Variants in MAST2 observed in about 807,000 individuals in gnomAD.
The protein encoded by MAST2 is microtubule-associated serine/threonine-protein kinase 2.
In MAST2, 70 loss-of-function variants were observed where a neutral mutation model predicts 147.4. The observed-to-expected ratio is 0.47, with a 90% CI of 0.39 to 0.58. The LOEUF (loss-of-function observed/expected upper bound fraction) is 0.58. Ranked by LOEUF, MAST2 falls within the 20% of genes least tolerant of loss-of-function variation. MAST2 has a pLI of 0.00. For missense variants in MAST2, 2,080 were observed against 2,302.3 expected (o/e 0.90, Z 1.98); for synonymous variants, 869 against 896.8 (o/e 0.97, Z 0.55).
At chr1:45,866,460 G>C (rs568998708) in intron 3 of MAST2, among the ~76,000 whole-genome samples, 8 of 152,184 alleles carry the variant, frequency 5.3e-5, no homozygotes, top group Admixed American at 2.0e-4. Context: ...AGCCCATTTA[G>C]TTGCACTGCT....
chr1:45,950,947 G>A (rs1384110944), intron 4 of MAST2, among the ~76,000 whole-genome samples: 1 of 152,152 alleles, frequency 6.6e-6, no homozygotes, highest in African/African-American at 2.4e-5. Flanking sequence ...GCTGAGTGTG[G>A]TGGCTCATGC....
chr1:45,805,494 C>CA (rs1644115404), intron 1 of MAST2, among the ~76,000 whole-genome samples: 1 of 152,210 alleles, frequency 6.6e-6, no homozygotes, highest in African/African-American at 2.4e-5. Flanking sequence ...TTTACTCCCC[C>CA]ATGTGCCTAA....
Position 46,035,962 on chromosome 1 carries a change from A to T in MAST2, c.5293A>T (p.Thr1765Ser), listed in dbSNP as rs1159218969. 6.2e-7 allele frequency: 1 copy of T among 1,613,910 alleles called. No homozygotes were observed. The highest frequency in any genetic ancestry group is 1.7e-5 in the Admixed American group (1 of 60,018). ...QDVPCRGCPL[T>S]QKSEPSLRRG... Reference sequence around the variant, plus strand: ...CGTTCCATGCCGAGGCTGCCCCCTCACCCAGAAGTCTGAGCCCAGCCTCAG... The same window carrying T: ...CGTTCCATGCCGAGGCTGCCCCCTCTCCCAGAAGTCTGAGCCCAGCCTCAG... The change falls in exon 29 of 29, where the codon ACC becomes TCC. Residue 1765 changes from threonine to serine, a missense_variant. Physicochemically the swap from Thr to Ser is moderately conservative, Grantham distance 58 (BLOSUM62 1). Coordinates refer to ENST00000361297, the MANE Select transcript of MAST2 (RefSeq NM_015112.3). This position sits in a 1 kb window ranked among gnomAD's most constrained non-coding sequence, Gnocchi z 5.5.
chr1:45,938,825 T>A (rs1188604898), intron 4 of MAST2, among the ~76,000 whole-genome samples: 1 of 152,218 alleles, frequency 6.6e-6, no homozygotes, highest in African/African-American at 2.4e-5. Context: ...GAGCATCTTA[T>A]CTCATTGTTA....
intron 4 of MAST2, among the ~76,000 whole-genome samples, chr1:45,919,453 T>C (rs960698451): frequency 3.3e-5 from 5 of 152,200 alleles, no homozygotes; most frequent in African/African-American, 1.2e-4. Flanking sequence ...AGCTTTTTGT[T>C]AGAGAATAGT....
chr1:45,933,235 A>G lies in MAST2; in HGVS notation c.501-26151A>G, dbSNP rs1174946856. Among the ~76,000 whole-genome samples the G allele has an allele frequency of 1.3e-3, 77 of 59,070 alleles. 1 individual carries two copies. Among genetic ancestry groups the G allele is most frequent in the Middle Eastern group, 0.016 (2 of 128 alleles). The allele number at this position is 59,070 out of a possible 152,430, so 38.8% of individuals were successfully genotyped here. On this transcript the variant is annotated intron_variant, in intron 4 of 28. Transcript: ENST00000361297. ...AAGACCCTGTCTCTTTAAAAAAAAA[A>G]AGCGGGGGGGTTGGGGGGGGCAAAT...
In MAST2 at chr1:45,931,996, G is replaced by A. The variant is rs976253036; in HGVS notation, c.501-27390G>A. 7.2e-5 allele frequency among the ~76,000 whole-genome samples: 11 copies of A among 152,174 alleles called. No individual in the cohort carries two copies. In the East Asian group the frequency reaches 2.1e-3, roughly 29 times the overall value. On this transcript the variant is annotated intron_variant, in intron 4 of 28. Coordinates refer to ENST00000361297, the MANE Select transcript of MAST2 (RefSeq NM_015112.3). Reference sequence around the variant, plus strand: ...GTGAGCTACTGCACCCAGCAATGTTGTGTTCTTCTCATTGTGTCCTGTTAG... The same window carrying A: ...GTGAGCTACTGCACCCAGCAATGTTATGTTCTTCTCATTGTGTCCTGTTAG...
intron 3 of MAST2, among the ~76,000 whole-genome samples, chr1:45,858,788 G>C (rs1471185667): frequency 1.3e-5 from 2 of 151,536 alleles, no homozygotes; most frequent in Non-Finnish European, 2.9e-5. Context: ...ATTAATTTTT[G>C]TATAAGGTGT....
chr1:45,839,765 T>G (rs183313127), intron 3 of MAST2, among the ~76,000 whole-genome samples: 2 of 152,356 alleles, frequency 1.3e-5, no homozygotes, highest in Admixed American at 6.5e-5. Context: ...ATCAAACTTA[T>G]TTTATGACTT....
intron 16 of MAST2, among the ~76,000 whole-genome samples, chr1:46,026,344 C>T (rs939918748): frequency 6.6e-6 from 1 of 152,116 alleles, no homozygotes; most frequent in Non-Finnish European, 1.5e-5. Context: ...TGTTCAGGAA[C>T]TACAAATAGT....
Position 46,035,348 on chromosome 1 carries a change from C to T in MAST2, c.4679C>T (p.Pro1560Leu), listed in dbSNP as rs371421462. 2 of 1,613,694 alleles carry T rather than the reference C, an allele frequency of 1.2e-6. No homozygotes were observed. ...RDPRSLGPMVPSLLTGITLGP... is the reference protein window; with the variant it reads ...RDPRSLGPMVLSLLTGITLGP... ...CCTAGGAGCCTGGGCCCAATGGTCC[C>T]AAGCCTATTGACAGGGATCACACTG... is the stretch of plus-strand genomic sequence containing the variant. The change falls in exon 29 of 29, where the codon CCA becomes CTA. Residue 1560 changes from proline to leucine, a missense_variant. Physicochemically the swap from Pro to Leu is moderately conservative, Grantham distance 98. Transcript: ENST00000361297. The surrounding 1 kb of genome is among the most constrained non-coding windows in gnomAD (Gnocchi z 5.5).
intron 4 of MAST2, among the ~76,000 whole-genome samples, chr1:45,896,798 T>G (rs546357739): frequency 6.6e-6 from 1 of 152,310 alleles, no homozygotes; most frequent in African/African-American, 2.4e-5. Flanking sequence ...CCACAGATCT[T>G]TTATATCAAA....
chr1:45,941,449 G>A (rs891335409), intron 4 of MAST2, among the ~76,000 whole-genome samples: 2 of 152,038 alleles, frequency 1.3e-5, no homozygotes, highest in Non-Finnish European at 2.9e-5. Context: ...TAGTAGAGAC[G>A]GGGTTTCACC....
intron 5 of MAST2, among the ~76,000 whole-genome samples, chr1:45,979,652 C>T (rs1181747892): frequency 2.0e-5 from 3 of 151,958 alleles, no homozygotes; most frequent in Non-Finnish European, 4.4e-5. Flanking sequence ...AGTGAGACCC[C>T]CATCTCTTCC....
rs143235749 is a variant in MAST2, at chr1:46,006,327, C to T, written c.834C>T (p.Ser278=). The change falls in exon 8 of 29, where the codon AGC becomes AGT. Residue 278 remains serine, a synonymous_variant. Coordinates refer to ENST00000361297, the MANE Select transcript of MAST2 (RefSeq NM_015112.3). The part of the protein sequence containing the change: ...DELHFLTKHF[S]TESVPDEEGR... ...TGCACTTTTTGACGAAGCATTTCAGCACAGAGAGCGTACCAGATGAGGAAG... is the reference window on the plus strand; with the variant it reads ...TGCACTTTTTGACGAAGCATTTCAGTACAGAGAGCGTACCAGATGAGGAAG... 73 of 1,614,102 alleles carry T rather than the reference C, an allele frequency of 4.5e-5. No homozygotes were observed. In the African/African-American group the frequency reaches 9.6e-4, roughly 21 times the overall value.
intron 3 of MAST2, among the ~76,000 whole-genome samples, chr1:45,841,561 CT>C (rs1645277094): frequency 6.6e-6 from 1 of 151,890 alleles, no homozygotes; most frequent in Admixed American, 6.6e-5. Context: ...AATTTTTTGA[CT>C]TTTTTGTAGA....
chr1:46,027,018 AATT>A (rs1646441915), intron 16 of MAST2, among the ~76,000 whole-genome samples: 1 of 152,142 alleles, frequency 6.6e-6, no homozygotes, highest in Admixed American at 6.5e-5. Context: ...AGATAACCAA[AATT>A]ATTGTTTTTC....
In MAST2 at chr1:46,035,453, C is replaced by G. The variant is rs754983049; in HGVS notation, c.4784C>G (p.Ser1595Cys). 1.2e-6 allele frequency: 2 copies of G among 1,613,256 alleles called. No homozygotes were observed. The part of the protein sequence containing the change: ...SPQAIEEAAS[S>C]SSAGPNLGQS... ...CAAGCCATTGAGGAGGCTGCCAGCT[C>G]CTCCTCAGCAGGCCCCAACCTAGGT... Residue 1595 changes from serine (S) to cysteine (C), a missense_variant, in exon 29 of 29, where the codon TCC (serine) becomes TGC (cysteine). By Grantham distance (112) the Ser-to-Cys change is moderately radical. This residue lies in a region of MAST2 where 1,278 missense variants were observed against 1,304.2 expected (regional missense o/e 0.98). Coordinates refer to ENST00000361297, the MANE Select transcript of MAST2 (RefSeq NM_015112.3). The surrounding 1 kb of genome is among the most constrained non-coding windows in gnomAD (Gnocchi z 5.5).
At chr1:45,888,830 T>G (rs1271663279) in intron 4 of MAST2, among the ~76,000 whole-genome samples, 1 of 151,504 alleles carries the variant, frequency 6.6e-6, no homozygotes, top group Non-Finnish European at 1.5e-5. Context: ...TACAGATGTG[T>G]GCACCACGCC....
Sources: allele counts gnomAD v4.1 joint callset (sites outside exome capture counted in the v4.1 genomes callset), GRCh38; gene constraint gnomAD v4.1.1; regional missense constraint gnomAD v4.1.1; non-coding constraint Gnocchi (gnomAD v3.1); transcripts MANE v1.5; gene names NCBI Gene and HGNC (gene_info 2026-07-23, HGNC 2026-07-21).